GRM3: variants seen among roughly 807,000 people sequenced by gnomAD.
GRM3 encodes metabotropic glutamate receptor 3.
A neutral mutation model predicts 70.5 loss-of-function variants in GRM3; 26 were observed. The observed-to-expected ratio is 0.37, with a 90% confidence interval of 0.27 to 0.51. The LOEUF is 0.51. Ranked by LOEUF, GRM3 falls within the 20% of genes least tolerant of loss-of-function variation. The probability of loss-of-function intolerance (pLI) is 0.93; values close to 1 mark genes in which losing one functional copy is unlikely to be tolerated. For synonymous variants in GRM3, 443 were observed against 434.9 expected, an observed-to-expected ratio of 1.02 and a Z score of -0.23; for missense variants, 859 against 1,123.8, an observed-to-expected ratio of 0.76 and a Z score of 3.37.
At chr7:86,665,886 T>G (rs960561269) in intron 1 of GRM3, among the ~76,000 whole-genome samples, 3 of 152,054 alleles carry the variant, frequency 2.0e-5, no homozygotes, top group African/African-American at 7.2e-5. Flanking sequence ...GTCAGACGTT[T>G]ACTTACATTA....
At chr7:86,659,731 T>C (rs802446) in intron 1 of GRM3, among the ~76,000 whole-genome samples, 101,294 of 151,812 alleles carry the variant, frequency 0.67, 34,154 homozygotes, top group East Asian at 0.88. Context: ...ATGCTTCTTA[T>C]TTTAACATAA....
chr7:86,696,722 G>A (rs367653088), intron 1 of GRM3, among the ~76,000 whole-genome samples: 123 of 152,216 alleles, frequency 8.1e-4, no homozygotes, highest in African/African-American at 2.7e-3. Context: ...GGTGGTGGTA[G>A]CGGTGGTAGC....
chr7:86,848,682 T>C (rs946523743), intron 4 of GRM3, among the ~76,000 whole-genome samples: 7 of 152,166 alleles, frequency 4.6e-5, no homozygotes, highest in Non-Finnish European at 7.4e-5. Context: ...ATAATGGTTT[T>C]TGTGTGGCCC....
chr7:86,646,424 A>G (rs1793474827), intron 1 of GRM3, among the ~76,000 whole-genome samples: 1 of 152,216 alleles, frequency 6.6e-6, no homozygotes, highest in Non-Finnish European at 1.5e-5. Context: ...TTTTGAATAT[A>G]CATGCCCAAA....
rs1016737619 is a variant in GRM3 at position 86,830,087 on chromosome 7, T to A, written c.1325-8752T>A. ...TCTTACCACTCACTATTCTCAGACA[T>A]GCCAATGGCTTCTCAATAGAAGTAT... On this transcript the variant is annotated intron_variant, in intron 3 of 5. Transcript: ENST00000361669. Among the ~76,000 whole-genome samples, 10 of 152,222 alleles carry A rather than the reference T, an allele frequency of 6.6e-5. No homozygotes were observed. The East Asian group carries it at 1.2e-3, about 18-fold the overall frequency.
chr7:86,806,137 C>A (rs1797786823), intron 3 of GRM3, among the ~76,000 whole-genome samples: 1 of 152,136 alleles, frequency 6.6e-6, no homozygotes, highest in Admixed American at 6.5e-5. Flanking sequence ...TTTTCTTAAT[C>A]CAGTCTATCA....
chr7:86,805,779 A>G (rs1388558508), intron 3 of GRM3, among the ~76,000 whole-genome samples: 1 of 152,182 alleles, frequency 6.6e-6, no homozygotes, highest in Non-Finnish European at 1.5e-5. Flanking sequence ...TTTAAGTTCT[A>G]GGGTACATGT....
chr7:86,678,583 T>G (rs1056018065), intron 1 of GRM3, among the ~76,000 whole-genome samples: 1 of 152,010 alleles, frequency 6.6e-6, no homozygotes, highest in Non-Finnish European at 1.5e-5. Context: ...TATGCTAGTG[T>G]TTGGAAGGAA....
At position 86,765,301 on chromosome 7, in the gene GRM3, T is replaced by C; in HGVS notation, c.156T>C (p.Thr52=). The change falls in exon 2 of 6, where the codon ACT becomes ACC. Residue 52 remains threonine (T), a synonymous_variant. Coordinates refer to ENST00000361669, the MANE Select transcript of GRM3 (RefSeq NM_000840.3). ...TGTTTCCTATTAACGAAAAAGGCAC[T>C]GGAACTGAAGAATGTGGGCGAATCA... ...GGLFPINEKG[T]GTEECGRINE... 1.2e-6 allele frequency: 2 copies of C among 1,613,896 alleles called. No individual in the cohort carries two copies. The highest frequency in any genetic ancestry group is 1.7e-6 in the Non-Finnish European group (2 of 1,179,864).
chr7:86,645,736 AAC>A (rs1793444911), intron 1 of GRM3, among the ~76,000 whole-genome samples: 1 of 152,128 alleles, frequency 6.6e-6, no homozygotes, highest in South Asian at 2.1e-4. Flanking sequence ...TGAAAAACAA[AAC>A]TATACACCTC....
At chr7:86,840,377 T>C (rs1450695869) in intron 4 of GRM3, among the ~76,000 whole-genome samples, 1 of 152,158 alleles carries the variant, frequency 6.6e-6, no homozygotes, top group East Asian at 1.9e-4. Context: ...AGATAGAAAC[T>C]TTCACTCATG....
intron 4 of GRM3, among the ~76,000 whole-genome samples, chr7:86,841,690 G>C (rs1278894210): frequency 6.6e-6 from 1 of 152,076 alleles, no homozygotes; most frequent in African/African-American, 2.4e-5. Context: ...AAAAATGACA[G>C]AGCAGAAAAT....
intron 1 of GRM3, among the ~76,000 whole-genome samples, chr7:86,661,486 G>A (rs748612223): frequency 3.3e-5 from 5 of 151,910 alleles, no homozygotes; most frequent in African/African-American, 4.8e-5. Context: ...GAAAATAAGC[G>A]AGGTATAGTG....
chr7:86,730,295 C>T (rs1250737878), intron 1 of GRM3, among the ~76,000 whole-genome samples: 4 of 152,064 alleles, frequency 2.6e-5, no homozygotes, highest in Non-Finnish European at 2.9e-5. Context: ...TGGCACATGC[C>T]TGTAATCTCA....
At chr7:86,647,374 G>A (rs1406856455) in intron 1 of GRM3, among the ~76,000 whole-genome samples, 2 of 152,152 alleles carry the variant, frequency 1.3e-5, no homozygotes, top group African/African-American at 2.4e-5. Context: ...TGGCTTGGGG[G>A]TGAATTTTCC....
At chr7:86,666,862 T>C (rs1794040421) in intron 1 of GRM3, among the ~76,000 whole-genome samples, 1 of 152,132 alleles carries the variant, frequency 6.6e-6, no homozygotes, top group Admixed American at 6.6e-5. Context: ...TACCTGTTCC[T>C]GGCAAGTTAT....
intron 1 of GRM3, among the ~76,000 whole-genome samples, chr7:86,700,878 T>C (rs1010173407): frequency 6.6e-6 from 1 of 151,994 alleles, no homozygotes; most frequent in African/African-American, 2.4e-5. Context: ...CTTACGTTAA[T>C]AGCATCAGTA....
At chr7:86,848,289 C>T (rs1798694565) in intron 4 of GRM3, among the ~76,000 whole-genome samples, 1 of 152,178 alleles carries the variant, frequency 6.6e-6, no homozygotes, top group African/African-American at 2.4e-5. Flanking sequence ...TGAGAGCCTG[C>T]AGTAGTTGGC....
chr7:86,685,662 T>G (rs1032067511), intron 1 of GRM3, among the ~76,000 whole-genome samples: 1 of 152,106 alleles, frequency 6.6e-6, no homozygotes, highest in African/African-American at 2.4e-5. Flanking sequence ...ATCCCAGCAC[T>G]TTGGGAGGCC....
Sources: allele counts gnomAD v4.1 joint callset (sites outside exome capture counted in the v4.1 genomes callset), GRCh38; gene constraint gnomAD v4.1.1; transcripts MANE v1.5; gene names NCBI Gene and HGNC (gene_info 2026-07-23, HGNC 2026-07-21).